The following DNAH5 variants were observed in gnomAD, a reference collection of about 807,000 sequenced individuals.
DNAH5 encodes axonemal beta dynein heavy chain 5.
Under a neutral mutation model 518.2 loss-of-function variants are expected in DNAH5, and 372 were observed. The ratio of observed to expected loss-of-function variants is 0.72; its 90% CI spans 0.66 to 0.78. DNAH5 has a LOEUF of 0.78. Ranked by LOEUF, DNAH5 falls within the 30% of genes least tolerant of loss-of-function variation. The pLI is 0.00. For synonymous variants in DNAH5, 2,039 were observed against 2,025.9 expected (o/e 1.01, Z -0.17); for missense variants, 5,523 against 5,687.0 (o/e 0.97, Z 0.93).
At chr5:13,889,453 G>A (rs937540202) in intron 17 of DNAH5, among the ~76,000 whole-genome samples, 6 of 152,156 alleles carry the variant, frequency 3.9e-5, no homozygotes, top group Non-Finnish European at 1.5e-5. Flanking sequence ...AACACAGCAG[G>A]CCTGAAACTG....
In DNAH5 at chr5:13,880,539, C is replaced by T. The variant is rs377198448; in HGVS notation, c.3262+2189G>A. Among the ~76,000 whole-genome samples the T allele has an allele frequency of 5.1e-4, 77 of 151,762 alleles. No homozygotes were observed. The South Asian group carries it at 0.015, about 30-fold the overall frequency. On this transcript the variant is annotated intron_variant, in intron 21 of 78. Transcript: ENST00000265104. ...TTATAAAAAGATGTAAAATGTGACA[C>T]CAAAAACTTAAAATGTATGAGGTGG...
At chr5:13,721,380 G>A (rs1284966845) in intron 70 of DNAH5, 135 bp from the exon 71 acceptor site, 1 of 1,015,882 alleles carries the variant, frequency 9.8e-7, no homozygotes, top group Non-Finnish European at 1.5e-6. Flanking sequence ...AAACAGGGTA[G>A]AGACTGTTTT....
At chr5:13,787,268 A>G (rs1367062581) in intron 51 of DNAH5, among the ~76,000 whole-genome samples, 1 of 152,108 alleles carries the variant, frequency 6.6e-6, no homozygotes, top group Non-Finnish European at 1.5e-5. Context: ...TTCACAATCA[A>G]TTAACATTAG....
chr5:13,712,782 A>G (rs1743671827), intron 75 of DNAH5, among the ~76,000 whole-genome samples: 1 of 152,052 alleles, frequency 6.6e-6, no homozygotes, highest in Non-Finnish European at 1.5e-5. Flanking sequence ...ACAACAACTT[A>G]CTCCTGCAAG....
At chr5:13,866,789 G>A (rs1561466743) in intron 25 of DNAH5, among the ~76,000 whole-genome samples, 1 of 152,030 alleles carries the variant, frequency 6.6e-6, no homozygotes, top group Non-Finnish European at 1.5e-5. Context: ...TTAATTTTGT[G>A]GTTTATTGTG....
intron 30 of DNAH5, among the ~76,000 whole-genome samples, chr5:13,851,334 G>T (rs1301015900): frequency 6.6e-6 from 1 of 152,080 alleles, no homozygotes; most frequent in African/African-American, 2.4e-5. Context: ...TTTAAGACAG[G>T]TCTCACTCTG....
At chr5:13,739,966 A>T (rs1242611995) in intron 65 of DNAH5, among the ~76,000 whole-genome samples, 2 of 152,072 alleles carry the variant, frequency 1.3e-5, no homozygotes, top group Non-Finnish European at 2.9e-5. Context: ...CATCTAAGAG[A>T]CTTCTCCTAC....
At chr5:14,006,613 T>C (rs1480930648) in intron 1 of DNAH5, among the ~76,000 whole-genome samples, 2 of 152,168 alleles carry the variant, frequency 1.3e-5, no homozygotes, top group Non-Finnish European at 2.9e-5. Context: ...AACTACCTCT[T>C]TAATGGCCCT....
At chr5:13,786,424 T>C in intron 51 of DNAH5, 73 bp from the exon 52 acceptor site, 1 of 1,410,398 alleles carries the variant, frequency 7.1e-7, no homozygotes, top group Non-Finnish European at 1.0e-6. Flanking sequence ...ATTAATACAC[T>C]CAAAGCTCTA....
chr5:13,836,415 C>T (rs1764406857), intron 35 of DNAH5, among the ~76,000 whole-genome samples: 1 of 152,096 alleles, frequency 6.6e-6, no homozygotes, highest in African/African-American at 2.4e-5. Context: ...AGGTCAGAAA[C>T]ATGAAGAGGA....
chr5:13,911,353 G>A (rs941234553), intron 12 of DNAH5, 33 bp downstream of exon 12: 3 of 1,527,874 alleles, frequency 2.0e-6, no homozygotes, highest in Non-Finnish European at 2.7e-6. Context: ...ATAAACACAC[G>A]ACTGTCAACA....
intron 55 of DNAH5, among the ~76,000 whole-genome samples, chr5:13,775,515 C>CAGAT (rs201730245): frequency 2.1e-4 from 32 of 151,680 alleles, no homozygotes; most frequent in African/African-American, 6.3e-4. Flanking sequence ...GAGAGAAATA[C>CAGAT]AGATAGATAG....
chr5:13,715,009 C>T, intron 74 of DNAH5, among the ~76,000 whole-genome samples: 1 of 151,992 alleles, frequency 6.6e-6, no homozygotes, highest in Non-Finnish European at 1.5e-5. Context: ...TTAGAAGATA[C>T]CAGGAAATGA....
Position 13,714,441 on chromosome 5 carries a change from C to A in DNAH5, c.13089G>T (p.Met4363Ile), listed in dbSNP as rs1265935718. Residue 4363 changes from methionine to isoleucine, a missense_variant, in exon 75 of 79, where the codon ATG becomes ATT. Transcript: ENST00000265104. ...CATAGTCTGGGGGCAGCTTCTCCAGCATATCATCAGCCAGCCGGGCCACCA... is the reference window on the plus strand; with the variant it reads ...CATAGTCTGGGGGCAGCTTCTCCAGAATATCATCAGCCAGCCGGGCCACCA... ...EAVVARLADD[M>I]LEKLPPDYVP... is the part of the protein sequence containing the mutation. The A allele has an allele frequency of 1.2e-6, 2 of 1,614,076 alleles. No individual in the cohort carries two copies. The highest frequency in any genetic ancestry group is 2.7e-5 in the African/African-American group (2 of 74,938).
rs140576123 is a variant in DNAH5 at position 13,920,485 on chromosome 5, C to T, written c.793G>A (p.Glu265Lys). 49 of 1,614,160 alleles carry T rather than the reference C, an allele frequency of 3.0e-5. No individual in the cohort carries two copies. The African/African-American group carries it at 3.3e-4, about 11-fold the overall frequency. ...GTTTGGTTTCTCAAAATTACCTGTT[C>T]TGTCTGTTTGATCCATACTTTCATG... ...DCMKVWIKQT[E>K]QVLAENNQLL... Residue 265 changes from glutamate (E) to lysine (K), a missense_variant, in exon 6 of 79, where the codon GAA (glutamate) becomes AAA (lysine). Physicochemically the swap from Glu to Lys is moderately conservative, Grantham distance 56. This residue lies in a region of DNAH5 where 5,121 missense variants were observed against 5,223.3 expected (regional missense o/e 0.98). Transcript: ENST00000265104.
rs77957856 is a variant in DNAH5, at chr5:13,830,587, T to C, written c.6061+10A>G. The C allele has an allele frequency of 1.7e-3, 2,682 of 1,614,072 alleles. 57 individuals carry two copies. The African/African-American group carries it at 0.031, about 19-fold the overall frequency. On this transcript the variant is annotated intron_variant, in intron 36 of 78. Transcript: ENST00000265104. ...CAATTTCTCACCAGATTAAAAAATA[T>C]AACCCATACCCTTAAAAATCCGTCC...
intron 1 of DNAH5, among the ~76,000 whole-genome samples, chr5:13,983,126 G>C (rs1554005641): frequency 6.6e-6 from 1 of 152,226 alleles, no homozygotes; most frequent in Non-Finnish European, 1.5e-5. Context: ...ACTCCTAGTT[G>C]ATGCTGATGC....
At chr5:13,839,606 A>C (rs950597878) in intron 34 of DNAH5, 78 bp from the exon 35 acceptor site, 1 of 1,278,092 alleles carries the variant, frequency 7.8e-7, no homozygotes, top group Admixed American at 1.7e-5. Flanking sequence ...ATTCATGTAG[A>C]TCATAAAGTG....
At chr5:13,867,741 C>G (rs759188950) in intron 25 of DNAH5, 33 bp downstream of exon 25, 2 of 1,557,288 alleles carry the variant, frequency 1.3e-6, no homozygotes, top group Admixed American at 3.3e-5. Flanking sequence ...CACTCATCCC[C>G]GAAAACGCAC....
Sources: gnomAD v4.1 joint callset for allele counts (sites outside exome capture counted in the v4.1 genomes callset) on GRCh38, gnomAD v4.1.1 for gene constraint, gnomAD v4.1.1 regional missense constraint, MANE v1.5 for transcripts, NCBI Gene and HGNC (gene_info 2026-07-23, HGNC 2026-07-21) for gene names.